The following EPB41L5 variants were observed in gnomAD, a reference collection of about 807,000 sequenced individuals.
EPB41L5 encodes erythrocyte membrane protein band 4.1 like 5.
Under a neutral mutation model 106.6 loss-of-function variants are expected in EPB41L5, and 55 were observed. The ratio of observed to expected loss-of-function variants is 0.52; its 90% confidence interval spans 0.42 to 0.65. The LOEUF (loss-of-function observed/expected upper bound fraction) is 0.65, where lower values mean the gene tolerates loss of function less well. EPB41L5 is among the 30% of genes least tolerant of loss of function. The probability of loss-of-function intolerance (pLI) is 0.00; values close to 1 mark genes in which losing one functional copy is unlikely to be tolerated. For synonymous variants in EPB41L5, 297 were observed against 306.7 expected, an observed-to-expected ratio of 0.97 and a Z score of 0.33; for missense variants, 871 against 882.1, an observed-to-expected ratio of 0.99 and a Z score of 0.16.
Position 120,074,099 on chromosome 2 carries a change from G to A in EPB41L5, c.329-1G>A. The A allele has an allele frequency of 1.3e-6, 2 of 1,588,172 alleles. No homozygotes were observed. Among genetic ancestry groups the A allele is most frequent in the Non-Finnish European group, 1.7e-6 (2 of 1,168,794 alleles). On this transcript the variant is annotated splice_acceptor_variant, in intron 4 of 24. Transcript: ENST00000263713. LOFTEE classifies it high-confidence loss of function. ...AAACCTTTTTTTTTTTTAAATGACA[G>A]TTGGTTCACCCTATTGTCTGCATCT...
intron 3 of EPB41L5, among the ~76,000 whole-genome samples, chr2:120,066,367 T>C (rs1420210606): frequency 6.6e-6 from 1 of 152,236 alleles, no homozygotes; most frequent in Non-Finnish European, 1.5e-5. Flanking sequence ...TAGAAAATTG[T>C]ATATCTTGAC....
At chr2:120,069,128 C>A (rs1233410046) in intron 3 of EPB41L5, among the ~76,000 whole-genome samples, 1 of 79,564 alleles carries the variant, frequency 1.3e-5, no homozygotes, top group African/African-American at 5.9e-5. Flanking sequence ...AACTCTGTCT[C>A]AAAAAAAAAA....
intron 2 of EPB41L5, among the ~76,000 whole-genome samples, chr2:120,032,227 A>G (rs1678760776): frequency 6.6e-6 from 1 of 152,122 alleles, no homozygotes; most frequent in South Asian, 2.1e-4. Flanking sequence ...CTAAAAATAG[A>G]AAAATTAGCT....
intron 20 of EPB41L5, 34 bp from the exon 21 acceptor site, chr2:120,160,846 TC>T: frequency 6.7e-7 from 1 of 1,497,226 alleles, no homozygotes; most frequent in African/African-American, 1.4e-5. Flanking sequence ...CCTGTACAGG[TC>T]CTACATGATG....
intron 20 of EPB41L5, among the ~76,000 whole-genome samples, chr2:120,152,945 T>C (rs1372023343): frequency 6.6e-6 from 1 of 152,222 alleles, no homozygotes; most frequent in Non-Finnish European, 1.5e-5. Flanking sequence ...GGTTTCACCC[T>C]TTTTAATTTC....
At chr2:120,155,884 T>TC (rs1686880211) in intron 20 of EPB41L5, among the ~76,000 whole-genome samples, 1 of 151,922 alleles carries the variant, frequency 6.6e-6, no homozygotes, top group Admixed American at 6.5e-5. Flanking sequence ...CCCCAGCGAC[T>TC]CCAAGGGGAT....
rs1346966446 is a variant in EPB41L5, at chr2:120,146,308, T to C, written c.1793+19T>C. The C allele has an allele frequency of 2.6e-6, 4 of 1,555,452 alleles. No homozygotes were observed. The highest frequency in any genetic ancestry group is 3.5e-6 in the Non-Finnish European group (4 of 1,131,660). On this transcript the variant is annotated intron_variant, in intron 20 of 24. Coordinates refer to ENST00000263713, the MANE Select transcript of EPB41L5 (RefSeq NM_020909.4). Reference sequence around the variant, plus strand: ...CAAACAGGTACAGTTCTGGGTAGACTGAATTAAATTGATGTTCTTATCTAT... The same window carrying C: ...CAAACAGGTACAGTTCTGGGTAGACCGAATTAAATTGATGTTCTTATCTAT...
At chr2:120,115,565 T>C (rs1177763202) in intron 16 of EPB41L5, among the ~76,000 whole-genome samples, 10 of 152,026 alleles carry the variant, frequency 6.6e-5, no homozygotes, top group Admixed American at 6.5e-4. Flanking sequence ...TTTATTTTTT[T>C]ATTTTTAGTA....
chr2:120,051,082 C>T (rs1200070735), intron 3 of EPB41L5, among the ~76,000 whole-genome samples: 1 of 152,194 alleles, frequency 6.6e-6, no homozygotes, highest in Non-Finnish European at 1.5e-5. Context: ...GGAGGTGGCT[C>T]CCAGTTAGGC....
chr2:120,100,983 G>A (rs368507336), intron 16 of EPB41L5, among the ~76,000 whole-genome samples, 169 bp downstream of exon 16: 2 of 152,222 alleles, frequency 1.3e-5, no homozygotes, highest in African/African-American at 4.8e-5. Context: ...AAATAAGGAT[G>A]TTGGTGATAA....
At chr2:120,132,879 T>G (rs1187114646) in intron 18 of EPB41L5, among the ~76,000 whole-genome samples, 1 of 147,764 alleles carries the variant, frequency 6.8e-6, no homozygotes, top group African/African-American at 2.5e-5. Context: ...TAGGGAGGAG[T>G]GGGGGGCGGG....
In EPB41L5 at chr2:120,083,082, G is replaced by T. The variant is rs184097217; in HGVS notation, c.804-4089G>T. 7.1e-4 allele frequency among the ~76,000 whole-genome samples: 108 copies of T among 152,134 alleles called. 1 individual carries two copies. Among genetic ancestry groups the T allele is most frequent in the East Asian group, 4.8e-3 (25 of 5,196 alleles). On this transcript the variant is annotated intron_variant, in intron 10 of 24. Coordinates refer to ENST00000263713, the MANE Select transcript of EPB41L5 (RefSeq NM_020909.4). ...AGCTCCTGGATTGATTTTTTTGAAGGGTTTTTTGTGTCTCTATCTCCTTCA... is the reference window on the plus strand; with the variant it reads ...AGCTCCTGGATTGATTTTTTTGAAGTGTTTTTTGTGTCTCTATCTCCTTCA...
chr2:120,032,171 A>C (rs762406014), intron 2 of EPB41L5, among the ~76,000 whole-genome samples: 2 of 152,046 alleles, frequency 1.3e-5, no homozygotes, highest in Non-Finnish European at 2.9e-5. Flanking sequence ...TCATGAGTTA[A>C]GGCGTTCCAG....
rs1684518075 is a variant in EPB41L5, at chr2:120,107,514, T to C, written c.1337+6700T>C. ...CAGGATTGTTGTGAATGCTTGTATG[T>C]GAGATGCTTTTACATAAGGGCTAGG... is the stretch of plus-strand genomic sequence containing the variant. On this transcript the variant is annotated intron_variant, in intron 16 of 24. Coordinates refer to ENST00000263713, the MANE Select transcript of EPB41L5 (RefSeq NM_020909.4). Among the ~76,000 whole-genome samples the C allele has an allele frequency of 4.6e-5, 7 of 152,246 alleles. No individual in the cohort carries two copies. In the South Asian group the frequency reaches 1.4e-3, roughly 32 times the overall value.
intron 16 of EPB41L5, among the ~76,000 whole-genome samples, chr2:120,119,729 A>G (rs1301668376): frequency 6.6e-6 from 1 of 152,194 alleles, no homozygotes; most frequent in African/African-American, 2.4e-5. Context: ...AAAAACATAC[A>G]TAAATATAGG....
intron 3 of EPB41L5, among the ~76,000 whole-genome samples, chr2:120,047,160 G>C (rs76526771): frequency 6.6e-6 from 1 of 151,678 alleles, no homozygotes; most frequent in Admixed American, 6.6e-5. Flanking sequence ...TTTTGGTTCC[G>C]TATGAACTTT....
intron 3 of EPB41L5, among the ~76,000 whole-genome samples, chr2:120,061,030 A>G (rs1681007210): frequency 3.2e-5 from 2 of 63,098 alleles, no homozygotes; most frequent in Non-Finnish European, 7.0e-5. Flanking sequence ...GGTTCAGGGA[A>G]GTTTTTTTTT....
rs368462847 is a variant in EPB41L5 at position 120,084,475 on chromosome 2, A to G, written c.804-2696A>G. ...GCCCCTAGTCTCTTCTGGCTTGTAG[A>G]GTTTCTGCCGAGAGATCTGCTGTTA... On this transcript the variant is annotated intron_variant, in intron 10 of 24. Transcript: ENST00000263713. 5.3e-5 allele frequency among the ~76,000 whole-genome samples: 8 copies of G among 152,220 alleles called. No homozygotes were observed. The East Asian group carries it at 9.7e-4, about 18-fold the overall frequency.
intron 24 of EPB41L5, among the ~76,000 whole-genome samples, chr2:120,171,004 A>G (rs1257035860): frequency 6.6e-6 from 1 of 152,206 alleles, no homozygotes; most frequent in Non-Finnish European, 1.5e-5. Flanking sequence ...TATAGATGTT[A>G]TAGTAATTTT....
Sources: gnomAD v4.1 joint callset for allele counts (sites outside exome capture counted in the v4.1 genomes callset) on GRCh38, gnomAD v4.1.1 for gene constraint, MANE v1.5 for transcripts, NCBI Gene and HGNC (gene_info 2026-07-23, HGNC 2026-07-21) for gene names.